The following C12orf42 variants were observed in gnomAD, a reference collection of about 807,000 sequenced individuals.
The protein encoded by C12orf42 is chromosome 12 open reading frame 42.
In C12orf42, 25 loss-of-function variants were observed where a neutral mutation model predicts 21.6. The ratio of observed to expected loss-of-function variants is 1.16; its 90% CI spans 0.84 to 1.62. The LOEUF (loss-of-function observed/expected upper bound fraction) is 1.62. C12orf42 is among the 40% of genes most tolerant of loss of function. The pLI, the probability that C12orf42 is intolerant of heterozygous loss-of-function variation, is 0.00. For synonymous variants in C12orf42, 174 were observed against 175.0 expected, an observed-to-expected ratio of 0.99 and a Z score of 0.05; for missense variants, 483 against 459.3, an observed-to-expected ratio of 1.05 and a Z score of -0.47.
chr12:103,169,547 G>A, the C12orf42 span, among the ~76,000 whole-genome samples: 1 of 152,120 alleles, frequency 6.6e-6, no homozygotes, highest in Non-Finnish European at 1.5e-5. Context: ...GTATGTATAA[G>A]AAATGAGTTT....
At chr12:103,325,798 CT>C (rs1375774425) in intron 4 of C12orf42, among the ~76,000 whole-genome samples, 1 of 152,058 alleles carries the variant, frequency 6.6e-6, no homozygotes, top group African/African-American at 2.4e-5. Context: ...GGATTTGTGG[CT>C]TGTTTTACCC....
chr12:103,525,284 C>T, the C12orf42 span, among the ~76,000 whole-genome samples: 2 of 152,148 alleles, frequency 1.3e-5, no homozygotes, highest in East Asian at 3.9e-4. Flanking sequence ...CTTGCCTGTG[C>T]CTCCCAAAGT....
At chr12:103,327,548 G>T (rs1737372883) in intron 4 of C12orf42, among the ~76,000 whole-genome samples, 1 of 152,198 alleles carries the variant, frequency 6.6e-6, no homozygotes, top group South Asian at 2.1e-4. Flanking sequence ...ATGATTTATA[G>T]TGACATACAA....
At chr12:103,095,816 T>C in the C12orf42 span, among the ~76,000 whole-genome samples, 1 of 152,172 alleles carries the variant, frequency 6.6e-6, no homozygotes, top group Non-Finnish European at 1.5e-5. Context: ...GGGAGGACTT[T>C]GAAGAGCTTC....
At chr12:103,164,525 G>C in the C12orf42 span, 1 of 446,020 alleles carries the variant, frequency 2.2e-6, no homozygotes, top group Non-Finnish European at 4.5e-6. Flanking sequence ...ATTGGGCATT[G>C]CTTGCATAAC....
intron 10 of C12orf42, among the ~76,000 whole-genome samples, chr12:103,252,026 A>G (rs1371809438): frequency 6.6e-6 from 1 of 152,190 alleles, no homozygotes; most frequent in Non-Finnish European, 1.5e-5. Flanking sequence ...GTAGGTATAC[A>G]TGTGCCATGG....
At chr12:103,232,219 T>A in the C12orf42 span, among the ~76,000 whole-genome samples, 1 of 152,348 alleles carries the variant, frequency 6.6e-6, no homozygotes, top group East Asian at 1.9e-4. Flanking sequence ...TTCTCAGATA[T>A]GCATTTAGCA....
chr12:103,170,421 C>T, the C12orf42 span, among the ~76,000 whole-genome samples: 1 of 152,100 alleles, frequency 6.6e-6, no homozygotes, highest in Non-Finnish European at 1.5e-5. Flanking sequence ...TTACACAATG[C>T]TTGTCAGCAA....
intron 4 of C12orf42, among the ~76,000 whole-genome samples, chr12:103,333,120 A>C (rs1566096369): frequency 6.6e-6 from 1 of 152,224 alleles, no homozygotes; most frequent in African/African-American, 2.4e-5. Flanking sequence ...CAGGTTCTAC[A>C]TCTCATTACC....
intron 4 of C12orf42, among the ~76,000 whole-genome samples, chr12:103,336,778 C>T (rs1404291007): frequency 6.6e-6 from 1 of 152,134 alleles, no homozygotes; most frequent in Non-Finnish European, 1.5e-5. Context: ...ACTAAAAATG[C>T]ATCGCTGGGA....
chr12:103,079,119 A>G, the C12orf42 span, among the ~76,000 whole-genome samples: 2 of 152,204 alleles, frequency 1.3e-5, no homozygotes, highest in Non-Finnish European at 2.9e-5. Flanking sequence ...ACAGCCAGAG[A>G]TGACCAAAAA....
the C12orf42 span, among the ~76,000 whole-genome samples, chr12:103,523,761 A>T: frequency 2.0e-5 from 3 of 150,792 alleles, no homozygotes; most frequent in Non-Finnish European, 3.0e-5. Flanking sequence ...TCACTTTCAT[A>T]TATATATATA....
At chr12:103,429,082 C>A (rs150475371) in intron 2 of C12orf42, among the ~76,000 whole-genome samples, 169 of 152,318 alleles carry the variant, frequency 1.1e-3, no homozygotes, top group African/African-American at 3.6e-3. Flanking sequence ...CTTCTCTCAC[C>A]ATTCCAATTC....
intron 4 of C12orf42, among the ~76,000 whole-genome samples, chr12:103,366,200 A>C (rs548066737): frequency 1.3e-5 from 2 of 152,188 alleles, no homozygotes; most frequent in East Asian, 3.9e-4. Flanking sequence ...GCAAACAAAA[A>C]CATAAAGTGA....
chr12:103,266,526 A>T (rs2136239877), downstream of C12orf42, among the ~76,000 whole-genome samples: 1 of 152,306 alleles, frequency 6.6e-6, no homozygotes, highest in African/African-American at 2.4e-5. Context: ...AAGAATTAAA[A>T]GAAATAGAAA....
chr12:103,130,828 C>G, the C12orf42 span, among the ~76,000 whole-genome samples: 1 of 152,186 alleles, frequency 6.6e-6, no homozygotes, highest in Admixed American at 6.5e-5. Flanking sequence ...TCTGCTGCTG[C>G]TGCAATCTCT....
chr12:103,381,288 T>C (rs1325710888), intron 3 of C12orf42, among the ~76,000 whole-genome samples: 1 of 152,148 alleles, frequency 6.6e-6, no homozygotes, highest in Non-Finnish European at 1.5e-5. Flanking sequence ...CTTAGAGAAG[T>C]ATGGAATGTT....
intron 2 of C12orf42, among the ~76,000 whole-genome samples, chr12:103,428,832 G>A (rs140704530): frequency 0.013 from 1,936 of 152,048 alleles, 35 homozygotes; most frequent in African/African-American, 0.044. Flanking sequence ...ATCAATAAAC[G>A]TAATCCATCA....
chr12:103,335,515 C>T (rs559590682), intron 4 of C12orf42, among the ~76,000 whole-genome samples: 4 of 152,248 alleles, frequency 2.6e-5, no homozygotes, highest in African/African-American at 9.6e-5. Context: ...CCTAAGTTTG[C>T]ATCTATTTTT....
Sources: allele counts gnomAD v4.1 joint callset (sites outside exome capture counted in the v4.1 genomes callset), GRCh38; gene constraint gnomAD v4.1.1; transcripts MANE v1.5; gene names NCBI Gene and HGNC (gene_info 2026-07-23, HGNC 2026-07-21).